Variants in CERS5 observed in about 807,000 individuals in gnomAD.
The protein encoded by CERS5 is LAG1 homolog, ceramide synthase 5.
CERS5 carries 37 observed loss-of-function variants against 58.9 expected under a neutral mutation model. The observed-to-expected ratio is 0.63, with a 90% CI of 0.48 to 0.83. The LOEUF is 0.83. Ranked by LOEUF, CERS5 falls within the 40% of genes least tolerant of loss-of-function variation. The pLI is 0.00. For missense variants in CERS5, 398 were observed against 489.3 expected (o/e 0.81, Z 1.76); for synonymous variants, 147 against 177.8 (o/e 0.83, Z 1.38).
chr12:50,135,248 AGGAGGGAGGGAGAGAGG>A (rs1258338220), intron 8 of CERS5, among the ~76,000 whole-genome samples: 18 of 43,514 alleles, frequency 4.1e-4, no homozygotes, highest in South Asian at 1.3e-3. Context: ...GGAGAGAGAG[AGGAGGGAGGGAGAGAGG>A]GGAGGGAGGG....
At chr12:50,141,581 C>CTATTAGGATA (rs1309085008) in intron 4 of CERS5, among the ~76,000 whole-genome samples, 19 of 152,016 alleles carry the variant, frequency 1.2e-4, no homozygotes, top group Non-Finnish European at 8.8e-5. Flanking sequence ...AGAAGACAAT[C>CTATTAGGATA]TATTAGGATA....
At chr12:50,164,945 A>G (rs1220302766) in intron 1 of CERS5, 1 of 152,194 alleles carries the variant, frequency 6.6e-6, no homozygotes, top group Admixed American at 6.5e-5. Flanking sequence ...CTTTTAAAAA[A>G]AAATTTGTCC....
intron 1 of CERS5, 110 bp from the exon 2 acceptor site, chr12:50,144,167 G>T: frequency 3.1e-6 from 2 of 644,868 alleles, no homozygotes; most frequent in Non-Finnish European, 5.6e-6. Context: ...TTCAATGCAT[G>T]TATACATAGT....
chr12:50,155,736 CAAAAAAAAAAAAAAA>C (rs146913126), intron 1 of CERS5, among the ~76,000 whole-genome samples: 3 of 21,478 alleles, frequency 1.4e-4, no homozygotes, highest in Admixed American at 1.8e-3. Context: ...GACTCCATCT[CAAAAAAAAAAAAAAA>C]AAAAAAAAAA....
intron 1 of CERS5, among the ~76,000 whole-genome samples, chr12:50,156,438 A>ATATATATATATATATAT (rs1555198356): frequency 2.7e-4 from 33 of 123,272 alleles, no homozygotes; most frequent in African/African-American, 4.1e-4. Flanking sequence ...ATATATATAT[A>ATATATATATATATATAT]AAACAATTAG....
intron 1 of CERS5, among the ~76,000 whole-genome samples, chr12:50,160,220 G>T (rs958622908): frequency 6.7e-6 from 1 of 149,788 alleles, no homozygotes; most frequent in South Asian, 2.1e-4. Flanking sequence ...CAGGAGAATC[G>T]CTTGAACCCA....
chr12:50,139,441 C>T (rs1951849037), intron 4 of CERS5, among the ~76,000 whole-genome samples: 1 of 151,994 alleles, frequency 6.6e-6, no homozygotes, highest in South Asian at 2.1e-4. Context: ...TGTGATCACG[C>T]AACTGCACTT....
intron 8 of CERS5, among the ~76,000 whole-genome samples, chr12:50,135,153 AGGG>A (rs1951579639): frequency 1.8e-5 from 1 of 55,660 alleles, no homozygotes; most frequent in Non-Finnish European, 3.5e-5. Context: ...GAGAGGAGGG[AGGG>A]AGAGAGAGGG....
At chr12:50,158,397 C>G (rs1039670789) in intron 1 of CERS5, among the ~76,000 whole-genome samples, 1 of 152,074 alleles carries the variant, frequency 6.6e-6, no homozygotes, top group Admixed American at 6.6e-5. Flanking sequence ...AGTTTGATAC[C>G]TTTTTATTTA....
chr12:50,167,059 G>C (rs1939986460), intron 1 of CERS5, 42 bp downstream of exon 1: 1 of 1,438,656 alleles, frequency 7.0e-7, no homozygotes, highest in South Asian at 1.3e-5. Context: ...GGCGCCCCCG[G>C]CCCGCGCCCG....
At chr12:50,141,397 A>C (rs1951964704) in intron 4 of CERS5, among the ~76,000 whole-genome samples, 1 of 152,206 alleles carries the variant, frequency 6.6e-6, no homozygotes, top group African/African-American at 2.4e-5. Flanking sequence ...AAAAGTAGGA[A>C]TAATACCTGT....
chr12:50,153,627 A>G (rs780438375), intron 1 of CERS5, among the ~76,000 whole-genome samples: 1 of 152,112 alleles, frequency 6.6e-6, no homozygotes, highest in Non-Finnish European at 1.5e-5. Context: ...ATGAACCAGT[A>G]TTTTCCAAAT....
At chr12:50,165,526 G>T (rs1457991757) in intron 1 of CERS5, 1 of 152,470 alleles carries the variant, frequency 6.6e-6, no homozygotes, top group African/African-American at 2.4e-5. Flanking sequence ...CTTCACTTAA[G>T]CATCTTTATT....
chr12:50,148,630 C>T (rs1292752634), intron 1 of CERS5: 3 of 263,382 alleles, frequency 1.1e-5, no homozygotes, highest in Non-Finnish European at 2.5e-5. Context: ...GGCGTGGTGA[C>T]TCAGACTTGT....
At chr12:50,163,577 T>G (rs1939542716) in intron 1 of CERS5, among the ~76,000 whole-genome samples, 1 of 152,262 alleles carries the variant, frequency 6.6e-6, no homozygotes, top group South Asian at 2.1e-4. Flanking sequence ...ATGCCAGTAA[T>G]CCCAAAACTT....
intron 3 of CERS5, among the ~76,000 whole-genome samples, chr12:50,142,692 A>G (rs1952038565): frequency 1.3e-5 from 2 of 152,132 alleles, no homozygotes; most frequent in Admixed American, 1.3e-4. Flanking sequence ...AAAGCTCAAT[A>G]AAATGAAAAA....
At chr12:50,166,833 C>T (rs963348362) in intron 1 of CERS5, among the ~76,000 whole-genome samples, 2 of 152,032 alleles carry the variant, frequency 1.3e-5, no homozygotes, top group African/African-American at 4.8e-5. Context: ...GCCTATATGA[C>T]CCCCCCAATC....
chr12:50,152,529 G>A (rs1938081491), intron 1 of CERS5, among the ~76,000 whole-genome samples: 2 of 152,060 alleles, frequency 1.3e-5, no homozygotes, highest in Admixed American at 1.3e-4. Context: ...ATCACTTGAG[G>A]TCAGGAGTTC....
chr12:50,149,973 C>T (rs1353603428), intron 1 of CERS5, among the ~76,000 whole-genome samples: 2 of 152,150 alleles, frequency 1.3e-5, no homozygotes, highest in African/African-American at 2.4e-5. Flanking sequence ...GAGCTCCTGA[C>T]CTCAAGTGAT....
Sources: gnomAD v4.1 joint callset for allele counts (sites outside exome capture counted in the v4.1 genomes callset) on GRCh38, gnomAD v4.1.1 for gene constraint, MANE v1.5 for transcripts, NCBI Gene and HGNC (gene_info 2026-07-23, HGNC 2026-07-21) for gene names.